Variants in TUSC3 observed in about 807,000 individuals in gnomAD.
TUSC3 encodes tumor suppressor candidate 3.
Under a neutral mutation model 44.8 loss-of-function variants are expected in TUSC3, and 45 were observed. The observed-to-expected ratio is 1.00, with a 90% CI of 0.79 to 1.29. TUSC3 has a LOEUF of 1.29. Among genes scored for constraint, TUSC3 ranks in the 50% most tolerant of loss-of-function variants. TUSC3 has a pLI of 0.00. For missense variants in TUSC3, 519 were observed against 437.9 expected, an observed-to-expected ratio of 1.19 and a Z score of -1.65; for synonymous variants, 212 against 152.9, an observed-to-expected ratio of 1.39 and a Z score of -2.85.
chr8:15,730,535 C>T, intron 6 of TUSC3, 131 bp from the exon 7 acceptor site: 1 of 850,050 alleles, frequency 1.2e-6, no homozygotes. Flanking sequence ...ATAATTGGAA[C>T]TTAGTAGAAA....
chr8:15,490,741 C>T (rs1034513665), intron 2 of TUSC3, among the ~76,000 whole-genome samples: 1 of 152,210 alleles, frequency 6.6e-6, no homozygotes. Flanking sequence ...TTGTTTTATA[C>T]TATTTAACAA....
chr8:15,737,624 G>A (rs1003667374), intron 7 of TUSC3, among the ~76,000 whole-genome samples: 1 of 152,132 alleles, frequency 6.6e-6, no homozygotes, highest in African/African-American at 2.4e-5. Flanking sequence ...ATAGGATAAA[G>A]GGTAGAGGTC....
At chr8:15,443,856 T>A (rs1004321876) in intron 1 of TUSC3, among the ~76,000 whole-genome samples, 5 of 152,102 alleles carry the variant, frequency 3.3e-5, no homozygotes, top group African/African-American at 1.2e-4. Context: ...CCCAGACGGA[T>A]AAACTGGCTC....
chr8:15,641,689 G>A (rs76578173), intron 2 of TUSC3, among the ~76,000 whole-genome samples: 1,666 of 152,262 alleles, frequency 0.011, 34 homozygotes, highest in African/African-American at 0.038. Context: ...AGTATTTGTG[G>A]CTTTCTCAAG....
At chr8:15,752,167 G>C (rs1811735072) in intron 9 of TUSC3, among the ~76,000 whole-genome samples, 1 of 152,092 alleles carries the variant, frequency 6.6e-6, no homozygotes, top group African/African-American at 2.4e-5. Context: ...GAAGACTCCA[G>C]AAGAAGGCTT....
the TUSC3 span, among the ~76,000 whole-genome samples, chr8:15,831,912 G>A: frequency 0.091 from 13,870 of 152,124 alleles, 745 homozygotes; most frequent in Middle Eastern, 0.18. Context: ...TAGCTAGACA[G>A]GCCAACATTC....
intron 1 of TUSC3, among the ~76,000 whole-genome samples, chr8:15,600,964 T>C (rs1366572448): frequency 1.3e-5 from 2 of 151,616 alleles, no homozygotes; most frequent in Admixed American, 1.3e-4. Flanking sequence ...TACTTTGTAT[T>C]TAGTTAAAAT....
chr8:15,678,570 A>G (rs1337913459), intron 6 of TUSC3, among the ~76,000 whole-genome samples: 1 of 152,232 alleles, frequency 6.6e-6, no homozygotes, highest in Non-Finnish European at 1.5e-5. Context: ...CCTTCAGAAT[A>G]AAGTAGAAAA....
chr8:15,835,069 A>G, the TUSC3 span, among the ~76,000 whole-genome samples: 12 of 152,114 alleles, frequency 7.9e-5, no homozygotes, highest in Admixed American at 7.2e-4. Context: ...TTTCATAAAC[A>G]ATTTTTTGGG....
the TUSC3 span, among the ~76,000 whole-genome samples, chr8:15,794,804 G>T: frequency 6.6e-6 from 1 of 151,882 alleles, no homozygotes; most frequent in Non-Finnish European, 1.5e-5. Context: ...TTTATTATAC[G>T]AGACAGCAAA....
chr8:15,593,198 G>C (rs751611585), intron 1 of TUSC3, among the ~76,000 whole-genome samples: 1 of 152,134 alleles, frequency 6.6e-6, no homozygotes, highest in South Asian at 2.1e-4. Flanking sequence ...CGATTCTTCT[G>C]CCTCAGCCTC....
At chr8:15,506,306 A>C (rs1026222854) in intron 2 of TUSC3, among the ~76,000 whole-genome samples, 1 of 152,180 alleles carries the variant, frequency 6.6e-6, no homozygotes, top group Admixed American at 6.5e-5. Context: ...CCTCTTTACC[A>C]AGGTGGATCA....
the TUSC3 span, among the ~76,000 whole-genome samples, chr8:15,833,674 C>T: frequency 3.3e-5 from 4 of 119,762 alleles, no homozygotes; most frequent in South Asian, 2.8e-4. Flanking sequence ...ACAAGAGACA[C>T]TAGGACCTAA....
chr8:15,610,707 G>A (rs1804725014), intron 1 of TUSC3, among the ~76,000 whole-genome samples: 1 of 152,176 alleles, frequency 6.6e-6, no homozygotes, highest in Admixed American at 6.5e-5. Context: ...AGTGACATTT[G>A]AATAGGGCTA....
intron 1 of TUSC3, among the ~76,000 whole-genome samples, chr8:15,606,978 A>G (rs928248049): frequency 2.6e-5 from 4 of 151,982 alleles, no homozygotes; most frequent in Non-Finnish European, 1.5e-5. Context: ...ACAAAGTACA[A>G]TGTTTTATAA....
the TUSC3 span, among the ~76,000 whole-genome samples, chr8:15,831,939 G>A: frequency 6.6e-6 from 1 of 152,122 alleles, no homozygotes; most frequent in Non-Finnish European, 1.5e-5. Context: ...AGGAAATGGA[G>A]AGAACTCCAG....
chr8:15,553,366 T>C (rs1747961141), intron 1 of TUSC3, among the ~76,000 whole-genome samples: 1 of 151,666 alleles, frequency 6.6e-6, no homozygotes, highest in Admixed American at 6.6e-5. Context: ...GCAAAAGCGA[T>C]GCTTGCAAAA....
chr8:15,657,213 C>T (rs1249422588), intron 3 of TUSC3, among the ~76,000 whole-genome samples: 2 of 152,182 alleles, frequency 1.3e-5, no homozygotes, highest in African/African-American at 4.8e-5. Flanking sequence ...TTATTGTTTA[C>T]ATAGCCAGGC....
intron 1 of TUSC3, among the ~76,000 whole-genome samples, chr8:15,464,138 T>TA (rs1179489564): frequency 6.6e-6 from 1 of 152,186 alleles, no homozygotes; most frequent in African/African-American, 2.4e-5. Context: ...GTTTACTGGT[T>TA]ACCATGATAA....
Sources: allele counts gnomAD v4.1 joint callset (sites outside exome capture counted in the v4.1 genomes callset), GRCh38; gene constraint gnomAD v4.1.1; transcripts MANE v1.5; gene names NCBI Gene and HGNC (gene_info 2026-07-23, HGNC 2026-07-21).